Variants in STRADB observed in about 807,000 individuals in gnomAD.
STRADB encodes the protein STE20-related kinase adapter protein beta.
STRADB carries 34 observed loss-of-function variants against 52.1 expected under a neutral mutation model. The ratio of observed to expected loss-of-function variants is 0.65; its 90% CI spans 0.50 to 0.87. The LOEUF (loss-of-function observed/expected upper bound fraction) is 0.87, where lower values mean the gene tolerates loss of function less well. Ranked by LOEUF, STRADB falls within the 40% of genes least tolerant of loss-of-function variation. STRADB has a pLI of 0.00. For synonymous variants in STRADB, 133 were observed against 174.5 expected (o/e 0.76, Z 1.87); for missense variants, 340 against 483.9 (o/e 0.70, Z 2.79).
chr2:201,479,098 G>C (rs1952528888), intron 10 of STRADB: 1 of 180,950 alleles, frequency 5.5e-6, no homozygotes, highest in Non-Finnish European at 1.1e-5. Context: ...AATCAGAAGA[G>C]TTGGGCTCCA....
rs186789647 is a variant in STRADB, at chr2:201,454,992, T to G, written c.12+140T>G. ...TTTTGACCTGATTGACTTCTGGACT[T>G]GAGAAATGAATTACATTCTCATTGA... On this transcript the variant is annotated intron_variant, in intron 2 of 11. Coordinates refer to ENST00000194530, the MANE Select transcript of STRADB (RefSeq NM_018571.6). 2.6e-4 allele frequency: 178 copies of G among 673,992 alleles called. 3 individuals are homozygous for G. The East Asian group carries it at 3.2e-3, about 12-fold the overall frequency. The allele number at this position is 673,992 out of a possible 1,614,324, so 41.8% of individuals were successfully genotyped here.
intron 3 of STRADB, 132 bp downstream of exon 3, chr2:201,458,996 T>TAAAAAAAAA: frequency 3.0e-6 from 2 of 662,906 alleles, no homozygotes; most frequent in Admixed American, 3.0e-5. Context: ...ATCTCATCTT[T>TAAAAAAAAA]AAAAAAAATG....
chr2:201,463,538 A>C (rs990162144), intron 3 of STRADB, among the ~76,000 whole-genome samples: 4 of 152,000 alleles, frequency 2.6e-5, no homozygotes, highest in Non-Finnish European at 5.9e-5. Flanking sequence ...TTTGGGTTAA[A>C]TCTGCTGGGT....
At chr2:201,473,104 G>A (rs771890062) in intron 5 of STRADB, 28 bp downstream of exon 5, 9 of 1,598,348 alleles carry the variant, frequency 5.6e-6, no homozygotes, top group East Asian at 2.3e-5. Flanking sequence ...ATGATACACA[G>A]TTGGGCCTCT....
intron 3 of STRADB, among the ~76,000 whole-genome samples, chr2:201,467,903 G>A (rs1574286985): frequency 6.7e-6 from 1 of 150,246 alleles, no homozygotes; most frequent in Non-Finnish European, 1.5e-5. Context: ...CTCTGTCATG[G>A]TATTGACTGA....
intron 6 of STRADB, among the ~76,000 whole-genome samples, chr2:201,475,092 C>T (rs1402125314): frequency 6.6e-6 from 1 of 152,194 alleles, no homozygotes; most frequent in Non-Finnish European, 1.5e-5. Context: ...GCCCCCCATC[C>T]CTGTCCGTTT....
In STRADB at chr2:201,469,998, A is replaced by G; in HGVS notation, c.139A>G (p.Ser47Gly). Residue 47 changes from serine (S) to glycine (G), a missense_variant, in exon 4 of 12, where the codon AGT (serine) becomes GGT (glycine). Coordinates refer to ENST00000194530, the MANE Select transcript of STRADB (RefSeq NM_018571.6). ...CTGGTCACGTCCATCCACTAGAGCCAGTGAAGTACTATGTTCCACCAACGT... is the reference window on the plus strand; with the variant it reads ...CTGGTCACGTCCATCCACTAGAGCCGGTGAAGTACTATGTTCCACCAACGT... ...LSWSRPSTRA[S>G]EVLCSTNVSH... 2.5e-6 allele frequency: 4 copies of G among 1,614,152 alleles called. No homozygotes were observed. Among genetic ancestry groups the G allele is most frequent in the Non-Finnish European group, 3.4e-6 (4 of 1,180,010 alleles).
At chr2:201,460,132 A>G (rs1294495833) in intron 3 of STRADB, among the ~76,000 whole-genome samples, 1 of 152,060 alleles carries the variant, frequency 6.6e-6, no homozygotes, top group Non-Finnish European at 1.5e-5. Context: ...CCCCAGTCCT[A>G]TCTTCAGCTG....
At chr2:201,452,973 A>G (rs1952071745) in intron 1 of STRADB, among the ~76,000 whole-genome samples, 1 of 152,224 alleles carries the variant, frequency 6.6e-6, no homozygotes, top group Non-Finnish European at 1.5e-5. Flanking sequence ...TTTTTTAAGA[A>G]AGGGTTTATA....
chr2:201,468,078 TTTTTTTC>T (rs1405827239), intron 3 of STRADB, among the ~76,000 whole-genome samples: 4 of 81,180 alleles, frequency 4.9e-5, no homozygotes, highest in East Asian at 6.0e-4. Context: ...TCCTGCCTTT[TTTTTTTC>T]TTTTTTTTTT....
intron 5 of STRADB, among the ~76,000 whole-genome samples, chr2:201,473,503 T>C (rs1952423111): frequency 6.6e-6 from 1 of 152,338 alleles, no homozygotes; most frequent in South Asian, 2.1e-4. Flanking sequence ...CCCAAACTAA[T>C]AGTTCTTCTG....
rs374409835 is a variant in STRADB at position 201,465,330 on chromosome 2, A to G, written c.94-4623A>G. 1.5e-4 allele frequency among the ~76,000 whole-genome samples: 23 copies of G among 152,284 alleles called. 1 individual carries two copies. The South Asian group carries it at 4.6e-3, about 30-fold the overall frequency. ...GCAGGTGATGGATCCTGCCAGAACT[A>G]GGTCCTTCCCTTCATGGGAGCAGTT... On this transcript the variant is annotated intron_variant, in intron 3 of 11. Coordinates refer to ENST00000194530, the MANE Select transcript of STRADB (RefSeq NM_018571.6).
intron 7 of STRADB, among the ~76,000 whole-genome samples, chr2:201,477,102 T>A (rs1952489956): frequency 7.9e-6 from 1 of 126,890 alleles, no homozygotes; most frequent in Non-Finnish European, 1.6e-5. Flanking sequence ...TCTCACTCTG[T>A]CCCCCAGGCT....
intron 1 of STRADB, among the ~76,000 whole-genome samples, chr2:201,454,377 A>G (rs1476057035): frequency 6.6e-6 from 1 of 152,216 alleles, no homozygotes; most frequent in Non-Finnish European, 1.5e-5. Flanking sequence ...TTATATCAAA[A>G]GTGGGCCAAA....
In STRADB at chr2:201,475,525, A is replaced by G. The variant is rs905324506; in HGVS notation, c.425-94A>G. The G allele has an allele frequency of 3.3e-5, 47 of 1,444,330 alleles. 2 individuals are homozygous for G. The South Asian group carries it at 4.7e-4, about 14-fold the overall frequency. 89.5% of individuals were successfully genotyped at this position (1,444,330 alleles called of 1,614,324 possible). A position where few individuals can be genotyped will look rare whatever the true frequency, so the allele number is the denominator to read the frequency against. ...GGTTAGACTCCAAAAAGTAACAGGT[A>G]TGTTTGTGTTTATGGTTGAAAAGAA... is the stretch of plus-strand genomic sequence containing the variant. On this transcript the variant is annotated intron_variant, in intron 6 of 11. Transcript: ENST00000194530.
rs980340074 is a variant in STRADB at position 201,478,475 on chromosome 2, G to T, written c.944G>T (p.Ser315Ile). 8 of 1,613,738 alleles carry T rather than the reference G, an allele frequency of 5.0e-6. No individual in the cohort carries two copies. The highest frequency in any genetic ancestry group is 6.8e-6 in the Non-Finnish European group (8 of 1,179,976). ...GGTGTAGACTCTGGGATTGGAGAAA[G>T]TGTGCTTGTCTCCAGTGGAACTCAC... ...QSGVDSGIGE[S>I]VLVSSGTHTV... The change falls in exon 10 of 12, where the codon AGT becomes ATT. Residue 315 changes from serine to isoleucine, a missense_variant. Ser to Ile is a moderately radical substitution (Grantham distance 142). Coordinates refer to ENST00000194530, the MANE Select transcript of STRADB (RefSeq NM_018571.6).
At chr2:201,468,085 CTTTTT>C (rs536551120) in intron 3 of STRADB, among the ~76,000 whole-genome samples, 1 of 71,036 alleles carries the variant, frequency 1.4e-5, no homozygotes, top group Non-Finnish European at 2.9e-5. Context: ...TTTTTTTTTT[CTTTTT>C]TTTTTTTTTT....
chr2:201,466,212 A>AAAGT (rs1200521357), intron 3 of STRADB, among the ~76,000 whole-genome samples: 2 of 152,186 alleles, frequency 1.3e-5, no homozygotes, highest in Admixed American at 1.3e-4. Flanking sequence ...GGCAGAAAGG[A>AAAGT]AAGTGATTCT....
At chr2:201,478,701 C>A in intron 10 of STRADB, 100 bp downstream of exon 10, 1 of 1,323,816 alleles carries the variant, frequency 7.6e-7, no homozygotes, top group Non-Finnish European at 1.0e-6. Context: ...ATCTTTTGAT[C>A]AAAATATTGT....
Sources: allele counts gnomAD v4.1 joint callset (sites outside exome capture counted in the v4.1 genomes callset), GRCh38; gene constraint gnomAD v4.1.1; transcripts MANE v1.5; gene names NCBI Gene and HGNC (gene_info 2026-07-23, HGNC 2026-07-21).